Variants in ARHGAP20 observed in about 807,000 individuals in gnomAD.
ARHGAP20 encodes rho GTPase-activating protein 20.
ARHGAP20 carries 34 observed loss-of-function variants against 73.7 expected under a neutral mutation model. That is an observed-to-expected ratio of 0.46 (90% CI 0.35 to 0.61). ARHGAP20 has a LOEUF of 0.61. Ranked by LOEUF, ARHGAP20 falls within the 20% of genes least tolerant of loss-of-function variation. The pLI, the probability that ARHGAP20 is intolerant of heterozygous loss-of-function variation, is 0.00. For synonymous variants in ARHGAP20, 523 were observed against 518.2 expected, an observed-to-expected ratio of 1.01 and a Z score of -0.13; for missense variants, 1,314 against 1,420.9, an observed-to-expected ratio of 0.92 and a Z score of 1.21.
intron 1 of ARHGAP20, among the ~76,000 whole-genome samples, chr11:110,693,125 C>T (rs1397752384): frequency 3.9e-5 from 6 of 151,910 alleles, no homozygotes; most frequent in Non-Finnish European, 8.8e-5. Context: ...TGTAGAAGAT[C>T]ATTTGTATAA....
chr11:110,659,386 C>T (rs796939786), intron 2 of ARHGAP20, among the ~76,000 whole-genome samples: 69 of 148,858 alleles, frequency 4.6e-4, no homozygotes, highest in African/African-American at 1.1e-3. Flanking sequence ...TCATATCCTT[C>T]GCCCACTTTT....
chr11:110,667,167 T>C (rs567019177), intron 2 of ARHGAP20, among the ~76,000 whole-genome samples: 1 of 152,364 alleles, frequency 6.6e-6, no homozygotes, highest in South Asian at 2.1e-4. Context: ...AATTTTAATG[T>C]AGATGAAACA....
At chr11:110,689,267 A>G (rs554118523) in intron 2 of ARHGAP20, among the ~76,000 whole-genome samples, 8 of 152,004 alleles carry the variant, frequency 5.3e-5, no homozygotes, top group African/African-American at 1.9e-4. Context: ...TCCCAATCAT[A>G]TAGATTTTAT....
chr11:110,684,717 A>G (rs1182633058), intron 2 of ARHGAP20, among the ~76,000 whole-genome samples: 2 of 152,212 alleles, frequency 1.3e-5, no homozygotes. Flanking sequence ...CATATATACC[A>G]TGGAATACTA....
intron 4 of ARHGAP20, among the ~76,000 whole-genome samples, chr11:110,622,129 G>C (rs773380722): frequency 2.0e-5 from 3 of 152,148 alleles, no homozygotes; most frequent in Non-Finnish European, 2.9e-5. Context: ...GGATGACATA[G>C]CTTCTGTCCT....
chr11:110,652,445 T>C (rs903700874), intron 2 of ARHGAP20, among the ~76,000 whole-genome samples: 1 of 151,986 alleles, frequency 6.6e-6, no homozygotes, highest in Non-Finnish European at 1.5e-5. Flanking sequence ...GGAAGTAAAA[T>C]TGTCTGTTTA....
chr11:110,681,448 T>C (rs947697491), intron 2 of ARHGAP20, among the ~76,000 whole-genome samples: 1 of 152,192 alleles, frequency 6.6e-6, no homozygotes, highest in African/African-American at 2.4e-5. Context: ...TATGAGGTCG[T>C]TGAGTTCATT....
rs747966252 is a variant in ARHGAP20 at position 110,585,094 on chromosome 11, AATATATGAATATATGTGAAT to A, written c.1415+1102_1415+1121del. On this transcript the variant is annotated intron_variant, in intron 12 of 14. Coordinates refer to ENST00000683387, the MANE Select transcript of ARHGAP20 (RefSeq NM_001384657.1). ...ATATATGAATACATGAATATATGTG[AATATATGAATATATGTGAAT>A]ATATATGAATATATGTGAATGTATA... 2.3e-3 allele frequency among the ~76,000 whole-genome samples: 348 copies of A among 150,162 alleles called. 2 individuals carry two copies. Among genetic ancestry groups the A allele is most frequent in the Admixed American group, 5.3e-3 (80 of 15,014 alleles).
intron 14 of ARHGAP20, 81 bp from the exon 15 acceptor site, chr11:110,581,306 T>G: frequency 7.4e-7 from 1 of 1,343,886 alleles, no homozygotes; most frequent in South Asian, 1.5e-5. Flanking sequence ...AATTCTCTTT[T>G]CATGTGAAGT....
At chr11:110,677,901 T>G (rs139677524) in intron 2 of ARHGAP20, among the ~76,000 whole-genome samples, 7 of 152,146 alleles carry the variant, frequency 4.6e-5, no homozygotes, top group African/African-American at 1.4e-4. Context: ...ATGAAACATA[T>G]GTGCAAACAA....
At position 110,590,799 on chromosome 11, in the gene ARHGAP20, A is replaced by G; in HGVS notation, c.1154T>C (p.Phe385Ser). 6.2e-7 allele frequency: 1 copy of G among 1,613,394 alleles called. No homozygotes were observed. Among genetic ancestry groups the G allele is most frequent in the Non-Finnish European group, 8.5e-7 (1 of 1,179,820 alleles). ...GAGAGGTCCTTTTTGATTAAGAAAG[A>G]AAAGCATATCCTATGGGGAAGCAAA... ...NLPKPVLDML[F>S]FLNQKGPLTK... Residue 385 changes from phenylalanine (F) to serine (S), a missense_variant, in exon 11 of 15, where the codon TTC becomes TCC. Transcript: ENST00000683387.
chr11:110,656,431 T>A (rs555028519), intron 2 of ARHGAP20, among the ~76,000 whole-genome samples: 2 of 152,240 alleles, frequency 1.3e-5, no homozygotes, highest in South Asian at 4.1e-4. Context: ...CGCTTTGTAT[T>A]GGTGCAGAAT....
At chr11:110,603,994 C>A (rs1484471412) in intron 9 of ARHGAP20, among the ~76,000 whole-genome samples, 1 of 152,098 alleles carries the variant, frequency 6.6e-6, no homozygotes, top group African/African-American at 2.4e-5. Context: ...ACTTCTCACT[C>A]ATTAGATTTG....
In ARHGAP20 at chr11:110,606,619, C is replaced by T; in HGVS notation, c.906G>A (p.Glu302=). The part of the protein sequence containing the change: ...EPFLMEQLPR[E]MQCQFILKPS... ...GCTTCAGGATGAACTGGCACTGCAT[C>T]TCTCGGGGGAGCTGTTCCATAAGGA... Residue 302 remains glutamate (E), a synonymous_variant, in exon 9 of 15, where the codon GAG becomes GAA. Transcript: ENST00000683387. 1 of 1,612,980 alleles carries T rather than the reference C, an allele frequency of 6.2e-7. No individual in the cohort carries two copies. The highest frequency in any genetic ancestry group is 2.2e-5 in the East Asian group (1 of 44,790).
intron 4 of ARHGAP20, 152 bp from the exon 5 acceptor site, chr11:110,615,746 C>G (rs11213502): frequency 0.096 from 63,886 of 666,496 alleles, 4,379 homozygotes; most frequent in African/African-American, 0.28. Context: ...TAATTGTGTT[C>G]TGGAGAACTC....
intron 2 of ARHGAP20, among the ~76,000 whole-genome samples, chr11:110,681,156 T>C (rs1591172123): frequency 6.6e-6 from 1 of 152,212 alleles, no homozygotes; most frequent in Non-Finnish European, 1.5e-5. Flanking sequence ...CCAATTGGCA[T>C]GTTATGCAAG....
intron 2 of ARHGAP20, among the ~76,000 whole-genome samples, chr11:110,687,059 CACACACACACACACACACATATATATAG>C (rs1303416759): frequency 7.8e-5 from 6 of 77,330 alleles, no homozygotes; most frequent in African/African-American, 1.3e-4. Flanking sequence ...TATATATAGA[CACACACACACACACACACATATATATAG>C]ACACACACAC....
At chr11:110,617,947 T>G (rs760732236) in intron 4 of ARHGAP20, among the ~76,000 whole-genome samples, 14 of 152,184 alleles carry the variant, frequency 9.2e-5, no homozygotes, top group Non-Finnish European at 1.9e-4. Context: ...CTGTCATCAC[T>G]GAGAGTGAGC....
At chr11:110,634,357 A>C (rs1355928251) in intron 2 of ARHGAP20, among the ~76,000 whole-genome samples, 1 of 152,178 alleles carries the variant, frequency 6.6e-6, no homozygotes, top group Non-Finnish European at 1.5e-5. Context: ...AGGACAGGTA[A>C]GCGAGAAACA....
Sources: allele counts gnomAD v4.1 joint callset (sites outside exome capture counted in the v4.1 genomes callset), GRCh38; gene constraint gnomAD v4.1.1; transcripts MANE v1.5; gene names NCBI Gene and HGNC (gene_info 2026-07-23, HGNC 2026-07-21).